Variants in GNAI3 observed in about 807,000 individuals in gnomAD.
GNAI3 encodes guanine nucleotide-binding protein G(i) subunit alpha-3.
A neutral mutation model predicts 41.8 loss-of-function variants in GNAI3; 12 were observed. The ratio of observed to expected loss-of-function variants is 0.29; its 90% confidence interval spans 0.18 to 0.47. The LOEUF (loss-of-function observed/expected upper bound fraction) is 0.47, where lower values mean the gene tolerates loss of function less well. Ranked by LOEUF, GNAI3 falls within the 20% of genes least tolerant of loss-of-function variation. The pLI is 1.00. For synonymous variants in GNAI3, 132 were observed against 146.5 expected (o/e 0.90, Z 0.71); for missense variants, 360 against 429.6 (o/e 0.84, Z 1.43).
chr1:109,582,677 T>A, intron 5 of GNAI3, 112 bp downstream of exon 5: 1 of 667,408 alleles, frequency 1.5e-6, no homozygotes. Context: ...TGGTTTAAAC[T>A]TAACATATTT....
intron 1 of GNAI3, among the ~76,000 whole-genome samples, chr1:109,550,660 A>G (rs534703871): frequency 1.3e-5 from 2 of 152,118 alleles, no homozygotes; most frequent in South Asian, 2.1e-4. Flanking sequence ...CAGCCTCCCA[A>G]GTAGCTGGGA....
chr1:109,568,081 G>A (rs370426746), intron 1 of GNAI3, among the ~76,000 whole-genome samples: 17 of 149,874 alleles, frequency 1.1e-4, no homozygotes, highest in African/African-American at 4.3e-4. Flanking sequence ...ATTTGTTTTA[G>A]CAGTTCCAAA....
rs551784463 is a variant in GNAI3, at chr1:109,593,271, A to G, written c.*949A>G. On this transcript the variant is annotated 3_prime_UTR_variant, in exon 9 of 9. Coordinates refer to ENST00000369851, the MANE Select transcript of GNAI3 (RefSeq NM_006496.4). ...ATGGTGCCTCTTGTTTTCCATCTTC[A>G]TGGCCTTTTCTGTTGAGAAACATCT... The G allele has an allele frequency of 7.2e-5, 11 of 152,636 alleles. No individual in the cohort carries two copies. The allele number at this position is 152,636 out of a possible 1,614,324, so 9.5% of individuals were successfully genotyped here.
chr1:109,559,012 A>G (rs376856669), intron 1 of GNAI3, among the ~76,000 whole-genome samples: 22 of 152,082 alleles, frequency 1.4e-4, no homozygotes, highest in African/African-American at 5.3e-4. Flanking sequence ...CTCCATCTCT[A>G]CTAAAAATAC....
intron 7 of GNAI3, among the ~76,000 whole-genome samples, chr1:109,587,575 G>A (rs1288554762): frequency 6.6e-6 from 1 of 152,118 alleles, no homozygotes; most frequent in Non-Finnish European, 1.5e-5. Context: ...TAGGAAAATG[G>A]TATGACCAGT....
At chr1:109,580,749 T>G (rs1648870963) in intron 4 of GNAI3, among the ~76,000 whole-genome samples, 1 of 152,246 alleles carries the variant, frequency 6.6e-6, no homozygotes, top group East Asian at 1.9e-4. Flanking sequence ...GCAATGGCTA[T>G]GATGTCACTG....
At chr1:109,552,163 CAAAAAAA>C (rs139490303) in intron 1 of GNAI3, among the ~76,000 whole-genome samples, 1 of 111,532 alleles carries the variant, frequency 9.0e-6, no homozygotes, top group Non-Finnish European at 1.9e-5. Flanking sequence ...CTCTTTGTCT[CAAAAAAA>C]AAAAAAATAA....
At chr1:109,587,595 C>T (rs1270411544) in intron 7 of GNAI3, among the ~76,000 whole-genome samples, 3 of 151,970 alleles carry the variant, frequency 2.0e-5, no homozygotes, top group African/African-American at 7.3e-5. Flanking sequence ...TTGTGGAACC[C>T]AGAAGGAATT....
intron 1 of GNAI3, among the ~76,000 whole-genome samples, chr1:109,568,546 A>G (rs1648515563): frequency 1.3e-5 from 2 of 152,218 alleles, no homozygotes; most frequent in Admixed American, 1.3e-4. Context: ...ACTCTGTCTC[A>G]AAACAAAAAA....
intron 1 of GNAI3, among the ~76,000 whole-genome samples, chr1:109,554,642 T>C (rs1648094856): frequency 6.6e-6 from 1 of 152,220 alleles, no homozygotes; most frequent in Non-Finnish European, 1.5e-5. Context: ...TTGTGAAGAT[T>C]TTCTCCCACT....
At chr1:109,581,438 G>A (rs114386058) in intron 4 of GNAI3, among the ~76,000 whole-genome samples, 134 of 152,134 alleles carry the variant, frequency 8.8e-4, no homozygotes, top group African/African-American at 3.0e-3. Context: ...GAGTTTAATT[G>A]TCTGAGGACT....
rs1029472975 is a variant in GNAI3, at chr1:109,548,656, C to T, written c.-65C>T. ...GCCCAGCAATAGACGGTGCCTCAGCCTGCCGAGCCGCAGTTTCCGTGGTGT... is the reference window on the plus strand; with the variant it reads ...GCCCAGCAATAGACGGTGCCTCAGCTTGCCGAGCCGCAGTTTCCGTGGTGT... On this transcript the variant is annotated 5_prime_UTR_variant, in exon 1 of 9. Coordinates refer to ENST00000369851, the MANE Select transcript of GNAI3 (RefSeq NM_006496.4). The T allele has an allele frequency of 1.9e-4, 227 of 1,166,824 alleles. No individual in the cohort carries two copies. The highest frequency in any genetic ancestry group is 4.6e-5 in the Non-Finnish European group (36 of 783,400). 72.3% of individuals were successfully genotyped at this position (1,166,824 alleles called of 1,614,324 possible).
chr1:109,575,510 A>G (rs1480439171), intron 3 of GNAI3, among the ~76,000 whole-genome samples: 1 of 55,904 alleles, frequency 1.8e-5, no homozygotes, highest in Admixed American at 1.6e-4. Context: ...GTCTTCCTTT[A>G]TTTATCTCCC....
At chr1:109,567,450 A>G (rs562171496) in intron 1 of GNAI3, among the ~76,000 whole-genome samples, 57 of 152,350 alleles carry the variant, frequency 3.7e-4, no homozygotes, top group Middle Eastern at 6.8e-3. Context: ...GAGAGGCGAT[A>G]GTAGACAGGA....
rs998792643 is a variant in GNAI3, at chr1:109,594,102, G to T, written c.*1780G>T. On this transcript the variant is annotated 3_prime_UTR_variant, in exon 9 of 9. Transcript: ENST00000369851. ...TTATATAATGGAATTTTCTTTAGGT[G>T]TGGGAAAACTTGATCTGAAAGAAAA... 1 of 152,622 alleles carries T rather than the reference G, an allele frequency of 6.6e-6. No individual in the cohort carries two copies. Among genetic ancestry groups the T allele is most frequent in the Non-Finnish European group, 1.5e-5 (1 of 68,032 alleles). 9.5% of individuals were successfully genotyped at this position (152,622 alleles called of 1,614,324 possible).
Position 109,585,725 on chromosome 1 carries a change from C to A in GNAI3, c.591-491C>A, listed in dbSNP as rs141645296. Among the ~76,000 whole-genome samples, 300 of 152,062 alleles carry A rather than the reference C, an allele frequency of 2.0e-3. 2 individuals carry two copies. Among genetic ancestry groups the A allele is most frequent in the Non-Finnish European group, 3.3e-3 (222 of 67,988 alleles). ...GCAAATCATTTAACATTGAATGTGC[C>A]TCAATTTCTTTATCTGTATAATTGG... On this transcript the variant is annotated intron_variant, in intron 5 of 8. Transcript: ENST00000369851.
At chr1:109,576,606 C>T (rs1648749514) in intron 3 of GNAI3, among the ~76,000 whole-genome samples, 1 of 151,944 alleles carries the variant, frequency 6.6e-6, no homozygotes, top group Admixed American at 6.6e-5. Context: ...GCAACCTCTG[C>T]CTCCTGGGTT....
At chr1:109,583,849 C>G (rs1168058878) in intron 5 of GNAI3, among the ~76,000 whole-genome samples, 1 of 149,394 alleles carries the variant, frequency 6.7e-6, no homozygotes, top group Non-Finnish European at 1.5e-5. Context: ...CCTTGGCCTC[C>G]CAAAGTGCTG....
intron 1 of GNAI3, among the ~76,000 whole-genome samples, chr1:109,559,621 A>C (rs1648255748): frequency 6.6e-6 from 1 of 152,248 alleles, no homozygotes; most frequent in Non-Finnish European, 1.5e-5. Context: ...TAAAAACTGA[A>C]GTTAAAAACC....
Sources: allele counts gnomAD v4.1 joint callset (sites outside exome capture counted in the v4.1 genomes callset), GRCh38; gene constraint gnomAD v4.1.1; transcripts MANE v1.5; gene names NCBI Gene and HGNC (gene_info 2026-07-23, HGNC 2026-07-21).